The following DGKG variants were observed in gnomAD, a reference collection of about 807,000 sequenced individuals.
DGKG encodes diacylglycerol kinase gamma.
A neutral mutation model predicts 105.3 loss-of-function variants in DGKG; 78 were observed. That is an observed-to-expected ratio of 0.74 (90% CI 0.62 to 0.89). The LOEUF is 0.89. Ranked by LOEUF, DGKG falls within the 40% of genes least tolerant of loss-of-function variation. DGKG has a pLI of 0.00. For synonymous variants in DGKG, 346 were observed against 367.1 expected (o/e 0.94, Z 0.66); for missense variants, 958 against 1,020.1 (o/e 0.94, Z 0.83).
chr3:186,206,952 T>C (rs546131785), intron 21 of DGKG, among the ~76,000 whole-genome samples: 1 of 152,210 alleles, frequency 6.6e-6, no homozygotes, highest in East Asian at 1.9e-4. Flanking sequence ...TTTTACCATG[T>C]TGGCCAGGCT....
chr3:186,242,080 T>A (rs1720714186), intron 20 of DGKG, among the ~76,000 whole-genome samples: 1 of 152,104 alleles, frequency 6.6e-6, no homozygotes, highest in Non-Finnish European at 1.5e-5. Flanking sequence ...CTCCTCCCAT[T>A]TGAGACCGAC....
intron 1 of DGKG, among the ~76,000 whole-genome samples, chr3:186,358,273 G>A (rs1000851442): frequency 8.5e-5 from 13 of 152,384 alleles, no homozygotes; most frequent in South Asian, 2.1e-4. Flanking sequence ...TCGCCATAGC[G>A]AGGTAAGCTT....
At chr3:186,207,439 G>C in intron 21 of DGKG, 1 of 985,176 alleles carries the variant, frequency 1.0e-6, no homozygotes, top group African/African-American at 1.7e-5. Context: ...CTCAGCCTGT[G>C]TCCCCCTTCT....
Position 186,217,955 on chromosome 3 carries a change from G to A in DGKG, c.1827-6070C>T, listed in dbSNP as rs181026874. Reference sequence around the variant, plus strand: ...TTGTGGTTTGGACTTTGATAATCAGGTTCTCTGAGTGACTCATAACTCACA... The same window carrying A: ...TTGTGGTTTGGACTTTGATAATCAGATTCTCTGAGTGACTCATAACTCACA... On this transcript the variant is annotated intron_variant, in intron 20 of 24. Coordinates refer to ENST00000265022, the MANE Select transcript of DGKG (RefSeq NM_001346.3). Among the ~76,000 whole-genome samples, 7 of 152,306 alleles carry A rather than the reference G, an allele frequency of 4.6e-5. No individual in the cohort carries two copies. The South Asian group carries it at 8.3e-4, about 18-fold the overall frequency.
chr3:186,314,208 CACA>C (rs1578821577), intron 2 of DGKG, among the ~76,000 whole-genome samples: 1 of 136,844 alleles, frequency 7.3e-6, no homozygotes, highest in East Asian at 2.0e-4. Context: ...CACACACACA[CACA>C]CACACACACA....
At chr3:186,276,384 G>A (rs1722590288) in intron 9 of DGKG, among the ~76,000 whole-genome samples, 1 of 152,152 alleles carries the variant, frequency 6.6e-6, no homozygotes, top group African/African-American at 2.4e-5. Flanking sequence ...TCATTAACCT[G>A]TTAACAGAGG....
At chr3:186,255,642 G>A (rs1721430040) in intron 17 of DGKG, among the ~76,000 whole-genome samples, 1 of 152,186 alleles carries the variant, frequency 6.6e-6, no homozygotes, top group Non-Finnish European at 1.5e-5. Context: ...AGGCTGGAAG[G>A]GTGCGCAGCA....
intron 22 of DGKG, among the ~76,000 whole-genome samples, chr3:186,186,049 C>T (rs948056630): frequency 9.0e-5 from 12 of 133,806 alleles, no homozygotes; most frequent in Non-Finnish European, 1.4e-4. Flanking sequence ...AGTGAGCCAA[C>T]ATGTGCCACT....
In DGKG at chr3:186,297,439, C is replaced by A. The variant is rs1434196237; in HGVS notation, c.355G>T (p.Ala119Ser). The A allele has an allele frequency of 6.2e-7, 1 of 1,612,710 alleles. No homozygotes were observed. Among genetic ancestry groups the A allele is most frequent in the Admixed American group, 1.7e-5 (1 of 59,994 alleles). The change falls in exon 5 of 25, where the codon GCC becomes TCC. Residue 119 changes from alanine (A) to serine (S), a missense_variant. By Grantham distance (99) the Ala-to-Ser change is moderately conservative (BLOSUM62 1). Transcript: ENST00000265022. ...GACTTACCAGTATCAGGGGCACAGGCCTCGTCTGCTTTGGTGGCATTATCT... is the reference window on the plus strand; with the variant it reads ...GACTTACCAGTATCAGGGGCACAGGACTCGTCTGCTTTGGTGGCATTATCT... ...NADNATKADE[A>S]CAPDTESNMA...
intron 24 of DGKG, chr3:186,161,381 A>C: frequency 1.4e-6 from 2 of 1,393,962 alleles, no homozygotes; most frequent in Non-Finnish European, 1.9e-6. Context: ...GTCTCATTCA[A>C]TTTTGTGACC....
chr3:186,189,906 C>T (rs569506047), intron 21 of DGKG, among the ~76,000 whole-genome samples: 40 of 152,222 alleles, frequency 2.6e-4, no homozygotes, highest in Non-Finnish European at 5.7e-4. Flanking sequence ...TACAGAATGA[C>T]CCTCCTTCCT....
chr3:186,236,271 T>C (rs1157317729), intron 20 of DGKG, among the ~76,000 whole-genome samples: 1 of 152,264 alleles, frequency 6.6e-6, no homozygotes. Context: ...CAATGGAGCA[T>C]TGATTCTGTG....
rs776550874 is a variant in DGKG at position 186,149,885 on chromosome 3, C to G, written c.*205G>C. 1.2e-4 allele frequency: 163 copies of G among 1,363,354 alleles called. No individual in the cohort carries two copies. Among genetic ancestry groups the G allele is most frequent in the Non-Finnish European group, 1.5e-4 (161 of 1,061,154 alleles). 84.5% of individuals were successfully genotyped at this position (1,363,354 alleles called of 1,614,324 possible). ...TCAAAATGTTTTGTTGGCACTGGCT[C>G]TGTTAGGGGTGTACCCACTGTTGAA... On this transcript the variant is annotated 3_prime_UTR_variant, in exon 25 of 25. Coordinates refer to ENST00000265022, the MANE Select transcript of DGKG (RefSeq NM_001346.3).
At chr3:186,175,561 C>T (rs1391848610) in intron 22 of DGKG, among the ~76,000 whole-genome samples, 2 of 152,106 alleles carry the variant, frequency 1.3e-5, no homozygotes, top group East Asian at 3.9e-4. Flanking sequence ...CCCAGTGGCT[C>T]TGAAGCAAGG....
At chr3:186,163,844 TC>T (rs1409917860) in intron 23 of DGKG, among the ~76,000 whole-genome samples, 18 of 151,928 alleles carry the variant, frequency 1.2e-4, no homozygotes, top group Non-Finnish European at 1.9e-4. Context: ...AGTATTAGAG[TC>T]CTGGAGAATA....
intron 19 of DGKG, among the ~76,000 whole-genome samples, chr3:186,251,415 C>T (rs549003885): frequency 1.3e-5 from 2 of 152,286 alleles, no homozygotes; most frequent in South Asian, 2.1e-4. Context: ...TGAGAGTTTC[C>T]TACCAACCTT....
intron 13 of DGKG, among the ~76,000 whole-genome samples, chr3:186,266,649 G>A (rs1379682653): frequency 6.6e-6 from 1 of 152,150 alleles, no homozygotes; most frequent in Non-Finnish European, 1.5e-5. Flanking sequence ...CCAGGCTGGA[G>A]TGCAGTGGTG....
At chr3:186,357,822 C>T (rs933618575) in intron 1 of DGKG, among the ~76,000 whole-genome samples, 1 of 152,210 alleles carries the variant, frequency 6.6e-6, no homozygotes, top group Non-Finnish European at 1.5e-5. Context: ...TAGCACAGTC[C>T]AGTTAAACTT....
At chr3:186,163,954 A>G (rs996322130) in intron 23 of DGKG, among the ~76,000 whole-genome samples, 1 of 152,194 alleles carries the variant, frequency 6.6e-6, no homozygotes, top group Non-Finnish European at 1.5e-5. Context: ...AAAGACAGAA[A>G]ACAAAGAGGG....
Sources: gnomAD v4.1 joint callset for allele counts (sites outside exome capture counted in the v4.1 genomes callset) on GRCh38, gnomAD v4.1.1 for gene constraint, MANE v1.5 for transcripts, NCBI Gene and HGNC (gene_info 2026-07-23, HGNC 2026-07-21) for gene names.